Variants in NRXN3 observed in about 807,000 individuals in gnomAD.
NRXN3 encodes the protein neurexin III.
NRXN3 carries 32 observed loss-of-function variants against 137.6 expected under a neutral mutation model. The observed-to-expected ratio is 0.23, with a 90% CI of 0.18 to 0.31. The LOEUF (loss-of-function observed/expected upper bound fraction) is 0.31, where lower values mean the gene tolerates loss of function less well. NRXN3 is among the 10% of genes least tolerant of loss of function. The probability of loss-of-function intolerance (pLI) is 1.00; values close to 1 mark genes in which losing one functional copy is unlikely to be tolerated. For synonymous variants in NRXN3, 798 were observed against 784.5 expected, an observed-to-expected ratio of 1.02 and a Z score of -0.29; for missense variants, 1,574 against 2,062.5, an observed-to-expected ratio of 0.76 and a Z score of 4.59.
chr14:78,197,706 G>A (rs1158192412), intron 1 of NRXN3, among the ~76,000 whole-genome samples: 1 of 152,182 alleles, frequency 6.6e-6, no homozygotes, highest in Admixed American at 6.5e-5. Flanking sequence ...ACCCTGACAT[G>A]CCCCTCCATG....
intron 15 of NRXN3, among the ~76,000 whole-genome samples, chr14:79,250,050 C>T (rs1021769722): frequency 2.0e-5 from 3 of 152,142 alleles, no homozygotes; most frequent in African/African-American, 7.2e-5. Flanking sequence ...TAAGTGCTAC[C>T]AGCTGGGGTT....
chr14:78,381,910 G>A (rs4899708), intron 4 of NRXN3, among the ~76,000 whole-genome samples: 45,871 of 152,082 alleles, frequency 0.3, 8,255 homozygotes, highest in Admixed American at 0.41. Context: ...ACAGGTTAGT[G>A]GTTTCCACTG....
intron 4 of NRXN3, among the ~76,000 whole-genome samples, chr14:78,516,043 C>T (rs1375551922): frequency 6.6e-6 from 1 of 152,040 alleles, no homozygotes; most frequent in Non-Finnish European, 1.5e-5. Context: ...GGCACAGTAC[C>T]TGGCACTTAG....
rs573734592 is a variant in NRXN3 at position 78,933,662 on chromosome 14, T to A, written c.2276-23580T>A. ...TTTAATCATAATTTAAATAGCTAGATCTAACCATTTTGTTATTGACACTTC... is the reference window on the plus strand; with the variant it reads ...TTTAATCATAATTTAAATAGCTAGAACTAACCATTTTGTTATTGACACTTC... On this transcript the variant is annotated intron_variant, in intron 10 of 20. Coordinates refer to ENST00000335750, the MANE Select transcript of NRXN3 (RefSeq NM_001330195.2). 2.0e-5 allele frequency among the ~76,000 whole-genome samples: 3 copies of A among 152,300 alleles called. No individual in the cohort carries two copies. In the East Asian group the frequency reaches 5.8e-4, roughly 29 times the overall value.
chr14:79,167,478 A>G (rs372377859), intron 15 of NRXN3, among the ~76,000 whole-genome samples: 1 of 152,100 alleles, frequency 6.6e-6, no homozygotes, highest in Admixed American at 6.6e-5. Flanking sequence ...ATGGATGACC[A>G]GCCCACATTA....
At chr14:79,492,253 C>G (rs1411426478) in intron 16 of NRXN3, among the ~76,000 whole-genome samples, 1 of 152,144 alleles carries the variant, frequency 6.6e-6, no homozygotes, top group Non-Finnish European at 1.5e-5. Context: ...TCACCCTAAA[C>G]ATAATTATAT....
intron 4 of NRXN3, among the ~76,000 whole-genome samples, chr14:78,566,920 G>A (rs2096841883): frequency 6.6e-6 from 1 of 152,174 alleles, no homozygotes; most frequent in African/African-American, 2.4e-5. Flanking sequence ...GTTTCAGGTG[G>A]GGGCAGGACT....
Position 78,314,029 on chromosome 14 carries a change from AC to A in NRXN3, c.757+16173del, listed in dbSNP as rs1279322762. Among the ~76,000 whole-genome samples, 10 of 152,166 alleles carry A rather than the reference AC, an allele frequency of 6.6e-5. No individual in the cohort carries two copies. In the South Asian group the frequency reaches 1.9e-3, roughly 28 times the overall value. ...CAGCTCACAATAGAGTAGGAAGAAA[AC>A]CCCTATATAATGAATTCCAAAAGCG... On this transcript the variant is annotated intron_variant, in intron 4 of 20. Coordinates refer to ENST00000335750, the MANE Select transcript of NRXN3 (RefSeq NM_001330195.2).
At chr14:78,396,048 C>T (rs1221310763) in intron 4 of NRXN3, among the ~76,000 whole-genome samples, 1 of 151,642 alleles carries the variant, frequency 6.6e-6, no homozygotes, top group Non-Finnish European at 1.5e-5. Flanking sequence ...CTGTGTTTCT[C>T]TTTTCTTTTT....
At chr14:79,075,755 A>G (rs1055936890) in intron 15 of NRXN3, among the ~76,000 whole-genome samples, 1 of 152,142 alleles carries the variant, frequency 6.6e-6, no homozygotes, top group African/African-American at 2.4e-5. Context: ...GGCCTGTAGC[A>G]TTTATTTCAA....
intron 4 of NRXN3, among the ~76,000 whole-genome samples, chr14:78,431,397 T>G (rs1249873112): frequency 6.6e-6 from 1 of 152,228 alleles, no homozygotes; most frequent in Non-Finnish European, 1.5e-5. Context: ...AATGTGATGT[T>G]CCCTAAGGGT....
intron 15 of NRXN3, among the ~76,000 whole-genome samples, chr14:79,149,996 C>T (rs1011924190): frequency 2.6e-5 from 4 of 152,020 alleles, no homozygotes; most frequent in African/African-American, 4.8e-5. Flanking sequence ...TGCACATGTA[C>T]CGTGGAACTT....
intron 10 of NRXN3, among the ~76,000 whole-genome samples, chr14:78,844,111 T>G (rs1464321790): frequency 1.3e-5 from 2 of 152,118 alleles, no homozygotes; most frequent in Non-Finnish European, 2.9e-5. Context: ...TCCTTGTCTC[T>G]TCCAGTTTCA....
intron 1 of NRXN3, among the ~76,000 whole-genome samples, chr14:78,186,551 T>C (rs1034504613): frequency 2.0e-5 from 3 of 152,264 alleles, no homozygotes; most frequent in Non-Finnish European, 2.9e-5. Flanking sequence ...GGGCCCTCAC[T>C]GGGTGGTTAT....
At chr14:79,407,125 A>T (rs532169802) in intron 15 of NRXN3, among the ~76,000 whole-genome samples, 1 of 152,212 alleles carries the variant, frequency 6.6e-6, no homozygotes, top group East Asian at 1.9e-4. Flanking sequence ...TCCTCTCAGG[A>T]GGCATGGAGT....
chr14:79,093,433 C>A (rs2049593368), intron 15 of NRXN3, among the ~76,000 whole-genome samples: 2 of 152,090 alleles, frequency 1.3e-5, no homozygotes, highest in Admixed American at 1.3e-4. Context: ...GCAAAGGGAC[C>A]TGATCTGTAA....
chr14:78,944,381 T>C (rs1423838175), intron 10 of NRXN3, among the ~76,000 whole-genome samples: 1 of 152,180 alleles, frequency 6.6e-6, no homozygotes, highest in South Asian at 2.1e-4. Flanking sequence ...TCTTTATTGT[T>C]CTCAGAAAGG....
At chr14:78,720,985 A>T (rs932762677) in intron 8 of NRXN3, among the ~76,000 whole-genome samples, 15 of 152,196 alleles carry the variant, frequency 9.9e-5, no homozygotes, top group Non-Finnish European at 4.4e-5. Flanking sequence ...AAGAGAAGAC[A>T]CACTTTCTGT....
At chr14:78,870,748 T>C (rs1439503605) in intron 10 of NRXN3, among the ~76,000 whole-genome samples, 2 of 151,980 alleles carry the variant, frequency 1.3e-5, no homozygotes, top group African/African-American at 4.8e-5. Context: ...GAGTTCAATA[T>C]TATTTTTAGC....
Sources: gnomAD v4.1 joint callset for allele counts (sites outside exome capture counted in the v4.1 genomes callset) on GRCh38, gnomAD v4.1.1 for gene constraint, MANE v1.5 for transcripts, NCBI Gene and HGNC (gene_info 2026-07-23, HGNC 2026-07-21) for gene names.